Variants in CA10 observed in about 807,000 individuals in gnomAD.
CA10 encodes the protein carbonic anhydrase 10 (inactive).
Under a neutral mutation model 44.2 loss-of-function variants are expected in CA10, and 14 were observed. The ratio of observed to expected loss-of-function variants is 0.32; its 90% CI spans 0.21 to 0.50. The LOEUF (loss-of-function observed/expected upper bound fraction) is 0.50. Among genes scored for constraint, CA10 ranks in the 20% least tolerant of loss-of-function variants. CA10 has a pLI of 0.99. For synonymous variants in CA10, 159 were observed against 141.6 expected (o/e 1.12, Z -0.87); for missense variants, 350 against 409.7 (o/e 0.85, Z 1.26).
chr17:52,082,089 G>A (rs1415504288), intron 1 of CA10, among the ~76,000 whole-genome samples: 1 of 152,138 alleles, frequency 6.6e-6, no homozygotes, highest in Non-Finnish European at 1.5e-5. Context: ...AAAATGTTGT[G>A]CTTTGTCTTC....
intron 4 of CA10, among the ~76,000 whole-genome samples, chr17:51,723,996 G>A (rs533183932): frequency 6.6e-6 from 1 of 152,136 alleles, no homozygotes; most frequent in South Asian, 2.1e-4. Flanking sequence ...GGCTCCCAAC[G>A]GTGCTGCAGG....
intron 2 of CA10, among the ~76,000 whole-genome samples, chr17:51,936,972 C>A (rs915091465): frequency 1.3e-5 from 2 of 152,044 alleles, no homozygotes; most frequent in Non-Finnish European, 2.9e-5. Flanking sequence ...CCAATAAAAT[C>A]GTGTTTTCCT....
At chr17:52,081,487 G>A (rs907108669) in intron 1 of CA10, among the ~76,000 whole-genome samples, 4 of 152,156 alleles carry the variant, frequency 2.6e-5, no homozygotes, top group Admixed American at 6.5e-5. Context: ...CAGTGCTGGT[G>A]AAAATAGAAC....
chr17:51,657,420 C>A (rs1365479017), intron 4 of CA10, among the ~76,000 whole-genome samples: 1 of 152,178 alleles, frequency 6.6e-6, no homozygotes, highest in Non-Finnish European at 1.5e-5. Flanking sequence ...CCTAGCCAGG[C>A]ACAATAATGC....
chr17:51,696,776 T>C, intron 4 of CA10, among the ~76,000 whole-genome samples: 1 of 152,220 alleles, frequency 6.6e-6, no homozygotes, highest in East Asian at 1.9e-4. Flanking sequence ...GATTTTGGCA[T>C]GTTCTGTCTC....
chr17:52,157,873 G>A lies in CA10; in HGVS notation c.-87C>T. On this transcript the variant is annotated 5_prime_UTR_variant, in exon 1 of 9. Transcript: ENST00000451037. ...ACACGGCACACACACATACACACTC[G>A]CACACACTTCCGAGCGAGTGCACAC... is the stretch of plus-strand genomic sequence containing the variant. 1.9e-6 allele frequency: 2 copies of A among 1,034,016 alleles called. No individual in the cohort carries two copies. The highest frequency in any genetic ancestry group is 1.3e-5 in the South Asian group (1 of 78,524). 64.1% of individuals were successfully genotyped at this position (1,034,016 alleles called of 1,614,324 possible).
At chr17:51,873,586 T>C (rs1013540277) in intron 3 of CA10, among the ~76,000 whole-genome samples, 6 of 152,248 alleles carry the variant, frequency 3.9e-5, no homozygotes, top group African/African-American at 1.4e-4. Flanking sequence ...GCCAATTTTT[T>C]GCTTTTTGGC....
At chr17:51,870,627 T>C (rs1979758537) in intron 3 of CA10, among the ~76,000 whole-genome samples, 1 of 152,236 alleles carries the variant, frequency 6.6e-6, no homozygotes, top group Non-Finnish European at 1.5e-5. Flanking sequence ...ATTTATTATA[T>C]ATGAGCACTT....
chr17:51,962,561 T>C (rs906728829), intron 2 of CA10, among the ~76,000 whole-genome samples: 1 of 152,140 alleles, frequency 6.6e-6, no homozygotes, highest in African/African-American at 2.4e-5. Flanking sequence ...CACAACCAGC[T>C]CTTACCCATA....
At chr17:52,130,644 A>G (rs1989217758) in intron 1 of CA10, among the ~76,000 whole-genome samples, 1 of 152,126 alleles carries the variant, frequency 6.6e-6, no homozygotes, top group African/African-American at 2.4e-5. Context: ...TAGCGACTAG[A>G]TGGTGCAGGG....
intron 3 of CA10, among the ~76,000 whole-genome samples, chr17:51,799,403 C>T (rs563119706): frequency 8.5e-4 from 130 of 152,106 alleles, no homozygotes; most frequent in Non-Finnish European, 1.6e-3. Flanking sequence ...TTTGTTTGCT[C>T]ATCTATCTGG....
At position 52,158,038 on chromosome 17, in the gene CA10, C is replaced by T. The variant is rs1989846768; in HGVS notation, c.-252G>A. 5 of 559,782 alleles carry T rather than the reference C, an allele frequency of 8.9e-6. No homozygotes were observed. Among genetic ancestry groups the T allele is most frequent in the Non-Finnish European group, 1.6e-5 (5 of 312,130 alleles). 34.7% of individuals were successfully genotyped at this position (559,782 alleles called of 1,614,324 possible). A position where few individuals can be genotyped will look rare whatever the true frequency, so the allele number is the denominator to read the frequency against. ...CTGACACATGTCCGATGCCTCGCTGCCTTGGAGGTCTCCCCGCTCGCGTGT... is the reference window on the plus strand; with the variant it reads ...CTGACACATGTCCGATGCCTCGCTGTCTTGGAGGTCTCCCCGCTCGCGTGT... On this transcript the variant is annotated 5_prime_UTR_variant, in exon 1 of 9. Coordinates refer to ENST00000451037, the MANE Select transcript of CA10 (RefSeq NM_020178.5).
At chr17:52,062,337 A>T (rs1987411803) in intron 2 of CA10, among the ~76,000 whole-genome samples, 1 of 152,120 alleles carries the variant, frequency 6.6e-6, no homozygotes, top group Non-Finnish European at 1.5e-5. Flanking sequence ...AAAACATGAA[A>T]AATTTACAGT....
chr17:52,082,105 T>C (rs1401298388), intron 1 of CA10, among the ~76,000 whole-genome samples: 1 of 152,232 alleles, frequency 6.6e-6, no homozygotes, highest in African/African-American at 2.4e-5. Flanking sequence ...TCTTCCATAA[T>C]GCAACACATA....
intron 4 of CA10, among the ~76,000 whole-genome samples, chr17:51,740,065 C>A (rs2037648901): frequency 6.9e-6 from 1 of 145,538 alleles, no homozygotes; most frequent in East Asian, 1.9e-4. Flanking sequence ...ATATTGACAA[C>A]TTTATTAGGT....
chr17:51,946,832 A>C (rs543356234), intron 2 of CA10, among the ~76,000 whole-genome samples: 1 of 152,308 alleles, frequency 6.6e-6, no homozygotes, highest in South Asian at 2.1e-4. Flanking sequence ...ATAGTATGAT[A>C]ATGAAATATA....
At chr17:51,956,323 A>T (rs1983664086) in intron 2 of CA10, among the ~76,000 whole-genome samples, 1 of 152,064 alleles carries the variant, frequency 6.6e-6, no homozygotes, top group Non-Finnish European at 1.5e-5. Flanking sequence ...TATTCACTAC[A>T]CATGTATGTA....
At chr17:51,901,369 G>C (rs1445332875) in intron 3 of CA10, among the ~76,000 whole-genome samples, 3 of 152,112 alleles carry the variant, frequency 2.0e-5, no homozygotes, top group Non-Finnish European at 4.4e-5. Flanking sequence ...GGTCCCTTGA[G>C]GTTAGAAAGC....
intron 2 of CA10, among the ~76,000 whole-genome samples, chr17:52,007,225 T>C (rs775111251): frequency 4.6e-5 from 7 of 151,666 alleles, no homozygotes; most frequent in Non-Finnish European, 1.0e-4. Context: ...TCTTTTCCAA[T>C]CAACCTATAG....
Sources: allele counts gnomAD v4.1 joint callset (sites outside exome capture counted in the v4.1 genomes callset), GRCh38; gene constraint gnomAD v4.1.1; transcripts MANE v1.5; gene names NCBI Gene and HGNC (gene_info 2026-07-23, HGNC 2026-07-21).